Variants in ABR observed in about 807,000 individuals in gnomAD.
The protein encoded by ABR is active breakpoint cluster region-related protein.
In ABR, 35 loss-of-function variants were observed where a neutral mutation model predicts 107.2. That is an observed-to-expected ratio of 0.33 (90% CI 0.25 to 0.43). The LOEUF is 0.43. Among genes scored for constraint, ABR ranks in the 20% least tolerant of loss-of-function variants. The pLI is 1.00. For missense variants in ABR, 815 were observed against 1,115.2 expected (o/e 0.73, Z 3.83); for synonymous variants, 498 against 462.0 (o/e 1.08, Z -1.00).
chr17:1,202,322 C>T (rs1296026355), intron 1 of ABR, among the ~76,000 whole-genome samples: 1 of 152,242 alleles, frequency 6.6e-6, no homozygotes, highest in African/African-American at 2.4e-5. Flanking sequence ...GACACCGCAC[C>T]TGGCCCAAGA....
rs1475109644 is a variant in ABR at position 1,051,255 on chromosome 17, C to G, written c.1562-621G>C. ...AGGGATCTTCTCTACTCGTGCGTCC[C>G]TAGTCTCTCTCCCCCCACGACGTAA... On this transcript the variant is annotated intron_variant, in intron 14 of 22. Transcript: ENST00000302538. This position sits in a 1 kb window ranked among gnomAD's most constrained non-coding sequence, Gnocchi z 4.3. 6.6e-6 allele frequency among the ~76,000 whole-genome samples: 1 copy of G among 152,150 alleles called. No homozygotes were observed. The highest frequency in any genetic ancestry group is 1.5e-5 in the Non-Finnish European group (1 of 68,022).
chr17:1,177,535 T>A (rs1263643468), intron 1 of ABR, among the ~76,000 whole-genome samples: 1 of 152,204 alleles, frequency 6.6e-6, no homozygotes, highest in Admixed American at 6.5e-5. Context: ...TCAGGAATTT[T>A]CAAGGTGGCC....
intron 10 of ABR, among the ~76,000 whole-genome samples, chr17:1,064,828 C>G (rs1360926804): frequency 7.6e-6 from 1 of 131,958 alleles, no homozygotes; most frequent in East Asian, 2.2e-4. Context: ...ATGCATGTTC[C>G]TCTAGACACT....
intron 4 of ABR, among the ~76,000 whole-genome samples, chr17:1,086,154 CA>C (rs989644000): frequency 6.6e-6 from 1 of 151,008 alleles, no homozygotes. Flanking sequence ...CTCAAAAAAA[CA>C]AAAAAAAGGT....
Position 1,006,097 on chromosome 17 carries a change from A to G in ABR, c.2563T>C (p.Phe855Leu), listed in dbSNP as rs1177937585. 7.6e-6 allele frequency: 12 copies of G among 1,575,822 alleles called. No individual in the cohort carries two copies. Among genetic ancestry groups the G allele is most frequent in the Non-Finnish European group, 1.0e-5 (12 of 1,160,478 alleles). ...FAELKRNTLY[F>L]STDV ...GCCTCGGGCTACACGTCGGTGGAGA[A>G]GTACAGTGTGTTCCGCTTGAGTTCT... The change falls in exon 23 of 23, where the codon TTC becomes CTC. Residue 855 changes from phenylalanine to leucine, a missense_variant. Phe to Leu is a conservative substitution (Grantham distance 22). Around this residue, in one of 5 missense-constraint regions of ABR, gnomAD observed 34 missense variants for 26.8 expected, o/e 1.27. Transcript: ENST00000302538.
intron 2 of ABR, among the ~76,000 whole-genome samples, chr17:1,116,899 G>A (rs2151420810): frequency 6.6e-6 from 1 of 152,292 alleles, no homozygotes; most frequent in Non-Finnish European, 1.5e-5. Flanking sequence ...CTGGGGGGCG[G>A]AGGCTGAAAC....
chr17:1,105,166 G>A (rs971623787), intron 2 of ABR, among the ~76,000 whole-genome samples: 2 of 151,924 alleles, frequency 1.3e-5, no homozygotes, highest in East Asian at 1.9e-4. Flanking sequence ...ACGCCACCAC[G>A]CCCAGATACT....
At chr17:1,198,811 T>TTG (rs1197180341) in intron 1 of ABR, among the ~76,000 whole-genome samples, 3 of 16,364 alleles carry the variant, frequency 1.8e-4, no homozygotes, top group African/African-American at 7.6e-4. Flanking sequence ...AATTTTTTTT[T>TTG]TTTTAATAGA....
intron 1 of ABR, among the ~76,000 whole-genome samples, chr17:1,134,837 G>A (rs945095897): frequency 6.6e-6 from 1 of 152,250 alleles, no homozygotes; most frequent in South Asian, 2.1e-4. Context: ...TAACCTCTCT[G>A]TGCCTCCGAG....
In ABR at chr17:1,006,036, G is replaced by A; in HGVS notation, c.*44C>T. On this transcript the variant is annotated 3_prime_UTR_variant, in exon 23 of 23. Coordinates refer to ENST00000302538, the MANE Select transcript of ABR (RefSeq NM_021962.5). ...CAAGTCTGAGTTGGACCCCAGGCTG[G>A]AGGGGCTGGTTCCACCACCCGCCCG... 1.3e-6 allele frequency: 2 copies of A among 1,483,738 alleles called. No homozygotes were observed. The highest frequency in any genetic ancestry group is 1.8e-6 in the Non-Finnish European group (2 of 1,085,394). The allele number at this position is 1,483,738 out of a possible 1,614,324, so 91.9% of individuals were successfully genotyped here.
intron 12 of ABR, chr17:1,057,708 A>C (rs547403792): frequency 4.4e-6 from 2 of 450,152 alleles, no homozygotes; most frequent in Non-Finnish European, 8.3e-6. Context: ...TGTGTGAGAG[A>C]GAGAGAGAGG....
chr17:1,013,841 G>A (rs1039980708), intron 16 of ABR, among the ~76,000 whole-genome samples: 4 of 152,216 alleles, frequency 2.6e-5, no homozygotes, highest in Admixed American at 6.5e-5. Flanking sequence ...CCAGGGAGGT[G>A]CGGACCCCAG....
chr17:1,100,787 C>T, intron 2 of ABR, 52 bp from the exon 3 acceptor site: 1 of 1,563,062 alleles, frequency 6.4e-7, no homozygotes, highest in Non-Finnish European at 8.8e-7. Context: ...AGGCCAAAAC[C>T]CTGCGTGGAC....
Position 1,078,919 on chromosome 17 carries a change from A to G in ABR, c.700+411T>C. On this transcript the variant is annotated intron_variant, in intron 6 of 22. Transcript: ENST00000302538. This position sits in a 1 kb window ranked among gnomAD's most constrained non-coding sequence, Gnocchi z 7.5. ...CATCGCTCCAGGCTCCCCGGCGCCCACCAGCAGCCCGGCCACTCAGCCACC... is the reference window on the plus strand; with the variant it reads ...CATCGCTCCAGGCTCCCCGGCGCCCGCCAGCAGCCCGGCCACTCAGCCACC... The G allele has an allele frequency of 6.5e-7, 1 of 1,532,414 alleles. No homozygotes were observed. The highest frequency in any genetic ancestry group is 8.7e-7 in the Non-Finnish European group (1 of 1,144,888). 94.9% of individuals were successfully genotyped at this position (1,532,414 alleles called of 1,614,324 possible). A position where few individuals can be genotyped will look rare whatever the true frequency, so the allele number is the denominator to read the frequency against.
At chr17:1,118,466 C>G (rs1197554111) in intron 2 of ABR, among the ~76,000 whole-genome samples, 23 of 43,652 alleles carry the variant, frequency 5.3e-4, no homozygotes, top group East Asian at 1.5e-3. Context: ...CAGCGTTATC[C>G]CTGAGCCTGA....
chr17:1,225,081 A>G (rs1318653736), intron 1 of ABR, among the ~76,000 whole-genome samples: 1 of 150,974 alleles, frequency 6.6e-6, no homozygotes, highest in South Asian at 2.1e-4. Flanking sequence ...CCCAGGAGGC[A>G]GAGCTTGCAG....
intron 11 of ABR, 53 bp from the exon 12 acceptor site, chr17:1,058,098 C>A: frequency 3.9e-6 from 5 of 1,283,802 alleles, no homozygotes; most frequent in Non-Finnish European, 5.6e-6. Context: ...GCAAAGCGTA[C>A]TCCCAGATCC....
At chr17:1,088,487 A>AAT (rs1369098647) in intron 4 of ABR, among the ~76,000 whole-genome samples, 1 of 148,570 alleles carries the variant, frequency 6.7e-6, no homozygotes, top group Non-Finnish European at 1.5e-5. Context: ...TAATAATAAT[A>AAT]ATAATAATGG....
At chr17:1,227,868 A>T (rs757219388) in intron 1 of ABR, among the ~76,000 whole-genome samples, 1 of 151,964 alleles carries the variant, frequency 6.6e-6, no homozygotes, top group Non-Finnish European at 1.5e-5. Flanking sequence ...GCTCAATTCC[A>T]GGCAATCATT....
Sources: allele counts gnomAD v4.1 joint callset (sites outside exome capture counted in the v4.1 genomes callset), GRCh38; gene constraint gnomAD v4.1.1; regional missense constraint gnomAD v4.1.1; non-coding constraint Gnocchi (gnomAD v3.1); transcripts MANE v1.5; gene names NCBI Gene and HGNC (gene_info 2026-07-23, HGNC 2026-07-21).